Variants in TPRX1 observed in about 807,000 individuals in gnomAD.
TPRX1 encodes tetrapeptide repeat homeobox 1, also known as tetra-peptide repeat homeobox protein 1.
In TPRX1, 2 loss-of-function variants were observed where a neutral mutation model predicts 8.1. The observed-to-expected ratio is 0.25, with a 90% CI of 0.10 to 0.78. The LOEUF is 0.78. Ranked by LOEUF, TPRX1 falls within the 30% of genes least tolerant of loss-of-function variation. The pLI is 0.70. For synonymous variants in TPRX1, 257 were observed against 254.1 expected (o/e 1.01, Z -0.11); for missense variants, 517 against 586.9 (o/e 0.88, Z 1.23).
chr19:47,809,221 T>A (rs552860153), intron 2 of TPRX1, among the ~76,000 whole-genome samples: 2 of 152,308 alleles, frequency 1.3e-5, no homozygotes, highest in South Asian at 4.1e-4. Flanking sequence ...ATGTACACAT[T>A]TAATAAGCAC....
At chr19:47,804,665 A>G (rs1333472050) in intron 2 of TPRX1, among the ~76,000 whole-genome samples, 114 bp from the exon 1 acceptor site, 1 of 132,404 alleles carries the variant, frequency 7.6e-6, no homozygotes, top group African/African-American at 2.8e-5. Flanking sequence ...CCTGCCCTGC[A>G]GTCCCGCCCC....
chr19:47,806,706 T>C (rs181922278), intron 2 of TPRX1, among the ~76,000 whole-genome samples: 63 of 152,050 alleles, frequency 4.1e-4, no homozygotes, highest in Non-Finnish European at 7.1e-4. Context: ...ACATATACGA[T>C]TCTATTTATA....
exon 4 of TPRX1, chr19:47,802,470 C>T (rs796831854): frequency 1.9e-6 from 3 of 1,539,240 alleles, no homozygotes; most frequent in Admixed American, 2.0e-5. Context: ...GGGTTTGGGC[C>T]TGGGATCGGG....
At chr19:47,805,765 A>G (rs1449214406) in intron 2 of TPRX1, among the ~76,000 whole-genome samples, 5 of 152,208 alleles carry the variant, frequency 3.3e-5, no homozygotes, top group Admixed American at 6.5e-5. Flanking sequence ...ATTTTGCACC[A>G]TGGCTATTTA....
Position 47,813,930 on chromosome 19 carries a change from G to A in TPRX1, c.151+4538C>T, listed in dbSNP as rs1420298744. On this transcript the variant is annotated intron_variant, in intron 2 of 3. Coordinates refer to ENST00000535759, the Ensembl canonical transcript of TPRX1. ...AGGACGAGGGAGACCAGAAGACAGAGGGGACAGAGAAGGGCGTGGTGGGGG... is the reference window on the plus strand; with the variant it reads ...AGGACGAGGGAGACCAGAAGACAGAAGGGACAGAGAAGGGCGTGGTGGGGG... Among the ~76,000 whole-genome samples, 4 of 148,736 alleles carry A rather than the reference G, an allele frequency of 2.7e-5. No individual in the cohort carries two copies. The East Asian group carries it at 5.9e-4, about 22-fold the overall frequency.
chr19:47,811,718 C>A (rs1026314364), intron 2 of TPRX1, among the ~76,000 whole-genome samples: 2 of 151,380 alleles, frequency 1.3e-5, no homozygotes, highest in Admixed American at 1.3e-4. Flanking sequence ...AGGCTGGTCT[C>A]GAACTTCTGA....
chr19:47,816,434 A>G (rs1967841161), intron 2 of TPRX1, among the ~76,000 whole-genome samples: 1 of 142,684 alleles, frequency 7.0e-6, no homozygotes, highest in African/African-American at 2.6e-5. Flanking sequence ...TTTATTTTGT[A>G]GAGATAGGGT....
Position 47,815,119 on chromosome 19 carries a change from T to TATATATATATATATATATATATGCAA in TPRX1, c.151+3348_151+3349insTTGCATATATATATATATATATATAT, listed in dbSNP as rs1967820956. ...TAGCTCAATAAATAGATAAATTATA[T>TATATATATATATATATATATATGCAA]ATATATATATATATATATATATATG... On this transcript the variant is annotated intron_variant, in intron 2 of 3. Coordinates refer to ENST00000535759, the Ensembl canonical transcript of TPRX1. Among the ~76,000 whole-genome samples the TATATATATATATATATATATATGCAA allele has an allele frequency of 5.9e-4, 46 of 78,020 alleles. 1 individual carries two copies. The highest frequency in any genetic ancestry group is 1.5e-3 in the African/African-American group (28 of 18,512). 51.2% of individuals were successfully genotyped at this position (78,020 alleles called of 152,430 possible). A position where few individuals can be genotyped will look rare whatever the true frequency, so the allele number is the denominator to read the frequency against.
At chr19:47,802,605 G>C (rs868007851) in exon 4 of TPRX1, 1 of 1,550,770 alleles carries the variant, frequency 6.4e-7, no homozygotes, top group Non-Finnish European at 8.7e-7. Flanking sequence ...ATTGGGCCTG[G>C]GATTGGGGCT....
At chr19:47,813,916 G>A in intron 2 of TPRX1, among the ~76,000 whole-genome samples, 1 of 129,502 alleles carries the variant, frequency 7.7e-6, no homozygotes, top group African/African-American at 2.8e-5. Context: ...GGACGAGGGA[G>A]ACCAGAAGAC....
Position 47,802,874 on chromosome 19 carries a change from AG to A in TPRX1, c.427del (p.Leu143Ter). 2 of 1,594,964 alleles carry A rather than the reference AG, an allele frequency of 1.3e-6. No individual in the cohort carries two copies. The highest frequency in any genetic ancestry group is 8.5e-7 in the Non-Finnish European group (1 of 1,174,214). On this transcript the variant is annotated frameshift_variant, in exon 4 of 4. Coordinates refer to ENST00000535759, the Ensembl canonical transcript of TPRX1. LOFTEE classifies it low-confidence loss of function (END_TRUNC). ...TGCGGAGGCAGAGGCTGCAGGGACT[AG>A]GGGCGCAGCGCGGGCTCCTCGGCCT...
intron 2 of TPRX1, among the ~76,000 whole-genome samples, chr19:47,807,345 C>T (rs532211464): frequency 2.0e-5 from 3 of 152,182 alleles, no homozygotes; most frequent in Non-Finnish European, 2.9e-5. Context: ...CGTGAACCAG[C>T]GTGCCCGGCC....
chr19:47,813,438 C>T (rs887398084), intron 2 of TPRX1, among the ~76,000 whole-genome samples: 12 of 152,138 alleles, frequency 7.9e-5, no homozygotes, highest in Non-Finnish European at 1.6e-4. Flanking sequence ...ATGAGGGAAT[C>T]GGGTCCTTGT....
chr19:47,815,433 A>G (rs1248217324), intron 2 of TPRX1, among the ~76,000 whole-genome samples: 41 of 146,644 alleles, frequency 2.8e-4, no homozygotes, highest in African/African-American at 9.4e-4. Flanking sequence ...GATTACAGGC[A>G]TGAGCCACCG....
chr19:47,812,715 A>T (rs904710487), intron 2 of TPRX1, among the ~76,000 whole-genome samples: 2 of 151,880 alleles, frequency 1.3e-5, no homozygotes, highest in Non-Finnish European at 2.9e-5. Context: ...TAAAAGAGAG[A>T]AACAGAATAA....
exon 4 of TPRX1, chr19:47,802,162 G>A (rs1431364201): frequency 1.2e-6 from 2 of 1,602,462 alleles, no homozygotes; most frequent in South Asian, 2.3e-5. Context: ...TGGGACCTGG[G>A]CCTTGGAGTC....
intron 2 of TPRX1, among the ~76,000 whole-genome samples, chr19:47,816,673 C>T (rs1170655839): frequency 6.6e-6 from 1 of 151,860 alleles, no homozygotes; most frequent in Non-Finnish European, 1.5e-5. Flanking sequence ...GCTGGGACTA[C>T]AGGCGCCCGC....
chr19:47,810,024 G>A (rs955031109), intron 2 of TPRX1, among the ~76,000 whole-genome samples: 1 of 151,958 alleles, frequency 6.6e-6, no homozygotes, highest in Non-Finnish European at 1.5e-5. Context: ...GGAGGCCGAG[G>A]TGGGCGGATC....
chr19:47,811,845 G>C (rs1967786892), intron 2 of TPRX1, among the ~76,000 whole-genome samples: 1 of 151,646 alleles, frequency 6.6e-6, no homozygotes. Context: ...AGAACTGCCT[G>C]TATTTATTTA....
Sources: gnomAD v4.1 joint callset for allele counts (sites outside exome capture counted in the v4.1 genomes callset) on GRCh38, gnomAD v4.1.1 for gene constraint, MANE v1.5 for transcripts, NCBI Gene and HGNC (gene_info 2026-07-23, HGNC 2026-07-21) for gene names.